Variants in ARMC3 observed in about 807,000 individuals in gnomAD.
ARMC3 encodes armadillo repeat-containing protein 3.
A neutral mutation model predicts 90.3 loss-of-function variants in ARMC3; 74 were observed. The ratio of observed to expected loss-of-function variants is 0.82; its 90% CI spans 0.68 to 0.99. The LOEUF is 0.99. Ranked by LOEUF, ARMC3 falls within the 50% of genes least tolerant of loss-of-function variation. ARMC3 has a pLI of 0.00. For synonymous variants in ARMC3, 334 were observed against 361.8 expected, an observed-to-expected ratio of 0.92 and a Z score of 0.87; for missense variants, 958 against 1,042.8, an observed-to-expected ratio of 0.92 and a Z score of 1.12.
rs376652881 is a variant in ARMC3 at position 22,948,177 on chromosome 10, T to C, written c.166+1916T>C. Among the ~76,000 whole-genome samples, 16 of 152,326 alleles carry C rather than the reference T, an allele frequency of 1.1e-4. No homozygotes were observed. In the East Asian group the frequency reaches 1.7e-3, roughly 17 times the overall value. On this transcript the variant is annotated intron_variant, in intron 3 of 18. Transcript: ENST00000298032. Reference sequence around the variant, plus strand: ...CTCAGGTCATCATTGGGAATCCAGATGTAAACCAGAGTGTTTCTGGAAGTT... The same window carrying C: ...CTCAGGTCATCATTGGGAATCCAGACGTAAACCAGAGTGTTTCTGGAAGTT...
chr10:22,976,121 A>T (rs983246768), intron 8 of ARMC3, among the ~76,000 whole-genome samples: 1 of 152,216 alleles, frequency 6.6e-6, no homozygotes, highest in African/African-American at 2.4e-5. Flanking sequence ...ACTGGTTTAT[A>T]TAAGAGGAAG....
chr10:22,946,405 A>C (rs1296120500), intron 3 of ARMC3, 144 bp downstream of exon 3: 7 of 532,846 alleles, frequency 1.3e-5, no homozygotes, highest in Non-Finnish European at 2.3e-5. Flanking sequence ...TTAATGCATT[A>C]CCTAAGAGCA....
rs1564391904 is a variant in ARMC3 at position 23,008,795 on chromosome 10, G to A, written c.1929-20G>A. 11 of 1,581,352 alleles carry A rather than the reference G, an allele frequency of 7.0e-6. No homozygotes were observed. The South Asian group carries it at 1.1e-4, about 16-fold the overall frequency. On this transcript the variant is annotated intron_variant, in intron 15 of 18. Transcript: ENST00000298032. ...TTCCATATGATTGAAATTGGTTGTG[G>A]TTTTTTTTCAAATGACAAGAAAAAA...
At chr10:22,933,795 G>A (rs1305466555) in intron 2 of ARMC3, among the ~76,000 whole-genome samples, 1 of 152,188 alleles carries the variant, frequency 6.6e-6, no homozygotes, top group African/African-American at 2.4e-5. Flanking sequence ...TGAAGTAGGA[G>A]AATGGTGTGA....
At chr10:22,960,028 A>G (rs1474882401) in intron 6 of ARMC3, 4 of 333,366 alleles carry the variant, frequency 1.2e-5, no homozygotes, top group Non-Finnish European at 2.3e-5. Flanking sequence ...GACAGAATTC[A>G]TTGTCCACAA....
intron 1 of ARMC3, among the ~76,000 whole-genome samples, chr10:22,930,675 A>G (rs946489012): frequency 1.3e-5 from 2 of 152,140 alleles, no homozygotes; most frequent in Middle Eastern, 3.2e-3. Flanking sequence ...CTCTAATGCT[A>G]GGAGTTGCTT....
intron 10 of ARMC3, among the ~76,000 whole-genome samples, chr10:22,994,373 G>T (rs144943096): frequency 6.6e-6 from 1 of 152,148 alleles, no homozygotes; most frequent in Non-Finnish European, 1.5e-5. Context: ...AGTGGGGGCC[G>T]CTTGTGTAAG....
intron 3 of ARMC3, among the ~76,000 whole-genome samples, chr10:22,953,757 G>A (rs1313830893): frequency 6.6e-6 from 1 of 152,172 alleles, no homozygotes; most frequent in Non-Finnish European, 1.5e-5. Context: ...ATTAGAAAAA[G>A]GGATAGAACT....
At chr10:22,995,252 AAG>A (rs1312816263) in intron 10 of ARMC3, among the ~76,000 whole-genome samples, 2 of 152,226 alleles carry the variant, frequency 1.3e-5, no homozygotes, top group African/African-American at 4.8e-5. Flanking sequence ...TGTTTCAAAA[AAG>A]AATTTTGTTC....
chr10:23,006,599 G>A (rs1346846981), intron 13 of ARMC3: 1 of 348,782 alleles, frequency 2.9e-6, no homozygotes, highest in Non-Finnish European at 5.4e-6. Flanking sequence ...AGATGGATTT[G>A]CCAATCCAAA....
At chr10:22,985,063 T>C (rs1836356956) in intron 10 of ARMC3, among the ~76,000 whole-genome samples, 1 of 147,112 alleles carries the variant, frequency 6.8e-6, no homozygotes, top group Admixed American at 6.7e-5. Flanking sequence ...TTTTTTTTTT[T>C]TTTTTTTTTT....
intron 16 of ARMC3, among the ~76,000 whole-genome samples, chr10:23,020,790 T>C (rs1461177262): frequency 6.6e-6 from 1 of 152,234 alleles, no homozygotes; most frequent in Non-Finnish European, 1.5e-5. Flanking sequence ...AATTGGGCTT[T>C]TGTTTTTGCT....
chr10:22,958,643 G>C (rs1835055505), intron 4 of ARMC3, among the ~76,000 whole-genome samples: 1 of 152,086 alleles, frequency 6.6e-6, no homozygotes, highest in Non-Finnish European at 1.5e-5. Context: ...TTGTGGTTTT[G>C]AGCCTCAATT....
intron 8 of ARMC3, among the ~76,000 whole-genome samples, chr10:22,974,829 A>G (rs1835845290): frequency 6.6e-6 from 1 of 152,030 alleles, no homozygotes; most frequent in Admixed American, 6.5e-5. Flanking sequence ...TTTAGTAGAG[A>G]CAGGGTTTCA....
chr10:22,970,713 AT>A (rs2131299586), intron 8 of ARMC3, among the ~76,000 whole-genome samples: 1 of 152,302 alleles, frequency 6.6e-6, no homozygotes, highest in African/African-American at 2.4e-5. Context: ...ATGTGTGAGT[AT>A]TTTTGAATGA....
intron 16 of ARMC3, among the ~76,000 whole-genome samples, chr10:23,027,945 A>G (rs1177186176): frequency 2.0e-5 from 3 of 152,108 alleles, no homozygotes; most frequent in Non-Finnish European, 4.4e-5. Context: ...GTTGGAGACA[A>G]GCTTTGGCAA....
At chr10:22,998,110 TCAGA>T (rs1474376339) in intron 10 of ARMC3, 34 bp from the exon 11 acceptor site, 1 of 1,599,800 alleles carries the variant, frequency 6.3e-7, no homozygotes, top group South Asian at 1.1e-5. Context: ...TTTTTTGAAT[TCAGA>T]TGAATCACAT....
chr10:22,983,025 C>G (rs950482274), intron 10 of ARMC3, among the ~76,000 whole-genome samples: 1 of 152,182 alleles, frequency 6.6e-6, no homozygotes, highest in Admixed American at 6.5e-5. Context: ...TAAGGGTCAT[C>G]ATTATCTCTA....
intron 13 of ARMC3, among the ~76,000 whole-genome samples, chr10:23,004,192 G>C (rs1241584429): frequency 3.3e-5 from 5 of 151,916 alleles, no homozygotes; most frequent in Non-Finnish European, 7.4e-5. Context: ...TGAATGTTGA[G>C]AGAAGTGAAA....
Sources: allele counts gnomAD v4.1 joint callset (sites outside exome capture counted in the v4.1 genomes callset), GRCh38; gene constraint gnomAD v4.1.1; transcripts MANE v1.5; gene names NCBI Gene and HGNC (gene_info 2026-07-23, HGNC 2026-07-21).